Variants in BRD3 observed in about 807,000 individuals in gnomAD.
BRD3 encodes bromodomain-containing protein 3.
Under a neutral mutation model 66.8 loss-of-function variants are expected in BRD3, and 17 were observed. The observed-to-expected ratio is 0.25, with a 90% CI of 0.17 to 0.38. BRD3 has a LOEUF of 0.38. BRD3 is among the 10% of genes least tolerant of loss of function. The pLI is 1.00. For synonymous variants in BRD3, 421 were observed against 393.2 expected (o/e 1.07, Z -0.84); for missense variants, 713 against 956.1 (o/e 0.75, Z 3.35).
chr9:134,035,010 T>A (rs571041837), intron 10 of BRD3, among the ~76,000 whole-genome samples, 181 bp from the exon 11 acceptor site: 16 of 152,210 alleles, frequency 1.1e-4, no homozygotes, highest in African/African-American at 3.9e-4. Context: ...GTGGCAGAAA[T>A]GACTGGGATG....
intron 1 of BRD3, among the ~76,000 whole-genome samples, chr9:134,063,521 ATAG>A (rs1304643704): frequency 6.6e-6 from 1 of 152,196 alleles, no homozygotes; most frequent in East Asian, 1.9e-4. Context: ...TCAGCCGCTT[ATAG>A]TAGATTCTTC....
intron 5 of BRD3, among the ~76,000 whole-genome samples, chr9:134,049,094 C>T (rs1830237247): frequency 6.6e-6 from 1 of 152,082 alleles, no homozygotes; most frequent in Non-Finnish European, 1.5e-5. Flanking sequence ...CCACCGAAGG[C>T]CATTTCAAGC....
intron 6 of BRD3, among the ~76,000 whole-genome samples, chr9:134,047,161 C>G (rs1484457907): frequency 3.9e-5 from 6 of 152,252 alleles, no homozygotes; most frequent in Non-Finnish European, 8.8e-5. Context: ...GCCCGAGATC[C>G]AGTCAATCAA....
chr9:134,053,632 C>T (rs1440810487), intron 1 of BRD3, 42 bp from the exon 2 acceptor site: 1 of 1,427,202 alleles, frequency 7.0e-7, no homozygotes, highest in Non-Finnish European at 9.1e-7. Context: ...GCCAGTCACC[C>T]CGGGGACCCC....
chr9:134,064,008 C>T (rs931209834), intron 1 of BRD3, among the ~76,000 whole-genome samples: 4 of 152,230 alleles, frequency 2.6e-5, no homozygotes, highest in Non-Finnish European at 5.9e-5. Context: ...CTTCCCAACA[C>T]CAGGCTCCGA....
chr9:134,050,239 A>G, intron 5 of BRD3, 135 bp downstream of exon 5: 1 of 772,344 alleles, frequency 1.3e-6, no homozygotes. Flanking sequence ...CTGAGCTCCC[A>G]GGGCGCAGAG....
Position 134,052,420 on chromosome 9 carries a change from G to A in BRD3, c.237C>T (p.Asn79=), listed in dbSNP as rs770362248. ...NLPDYHKIIK[N]PMDMGTIKKR... is the part of the protein sequence containing the mutation. ...TCTTAATAGTCCCCATATCCATTGG[G>A]TTTTTAATTATTTTATGATAATCCT... is the stretch of plus-strand genomic sequence containing the variant. Residue 79 remains asparagine, a synonymous_variant, in exon 3 of 12, where the codon AAC becomes AAT. Coordinates refer to ENST00000303407, the MANE Select transcript of BRD3 (RefSeq NM_007371.4). 4 of 1,607,446 alleles carry A rather than the reference G, an allele frequency of 2.5e-6. No individual in the cohort carries two copies. Among genetic ancestry groups the A allele is most frequent in the Admixed American group, 1.7e-5 (1 of 59,314 alleles).
At chr9:134,051,883 T>G (rs796848703) in intron 3 of BRD3, among the ~76,000 whole-genome samples, 174 bp from the exon 4 acceptor site, 3,023 of 55,866 alleles carry the variant, frequency 0.054, 192 homozygotes, top group Non-Finnish European at 0.067. Context: ...GTGTGTTGTT[T>G]TTTTTGTTTT....
At chr9:134,060,123 G>A (rs542674140) in intron 1 of BRD3, among the ~76,000 whole-genome samples, 103 of 152,342 alleles carry the variant, frequency 6.8e-4, no homozygotes, top group Non-Finnish European at 1.0e-3. Flanking sequence ...TGCCTGCCGG[G>A]CCCAGCAGAG....
chr9:134,040,361 A>C, intron 8 of BRD3, 92 bp from the exon 9 acceptor site: 1 of 1,415,180 alleles, frequency 7.1e-7, no homozygotes, highest in Non-Finnish European at 9.5e-7. Context: ...GCTTGGGGCG[A>C]TGTCGGAGCT....
chr9:134,053,567 T>C lies in BRD3; in HGVS notation c.-90A>G. 1 of 1,449,536 alleles carries C rather than the reference T, an allele frequency of 6.9e-7. No individual in the cohort carries two copies. Among genetic ancestry groups the C allele is most frequent in the Non-Finnish European group, 9.1e-7 (1 of 1,104,162 alleles). The allele number at this position is 1,449,536 out of a possible 1,614,324, so 89.8% of individuals were successfully genotyped here. ...CTCCCTGAGAAAGCGCGACGTCCCA[T>C]TTCCGGGCCCAACCAGGCGACAGCT... On this transcript the variant is annotated 5_prime_UTR_variant, in exon 2 of 12. An upstream start codon of the reference 5' UTR is lost. Coordinates refer to ENST00000303407, the MANE Select transcript of BRD3 (RefSeq NM_007371.4).
intron 2 of BRD3, among the ~76,000 whole-genome samples, chr9:134,052,762 C>A (rs1422470077): frequency 6.6e-6 from 1 of 152,220 alleles, no homozygotes; most frequent in Non-Finnish European, 1.5e-5. Flanking sequence ...CAGGGCCCAG[C>A]AGAGCCCAGA....
intron 1 of BRD3, among the ~76,000 whole-genome samples, chr9:134,064,371 A>AG (rs1491225010): frequency 7.8e-6 from 1 of 128,968 alleles, no homozygotes; most frequent in African/African-American, 2.9e-5. Context: ...TTACTAAAAA[A>AG]TTAAAAAAAA....
chr9:134,062,862 G>A (rs1830573406), intron 1 of BRD3, among the ~76,000 whole-genome samples: 6 of 152,220 alleles, frequency 3.9e-5, no homozygotes, highest in Admixed American at 3.9e-4. Flanking sequence ...GGCAGTGAGT[G>A]AGGACAGCAC....
intron 4 of BRD3, among the ~76,000 whole-genome samples, chr9:134,051,139 G>C (rs1311651586): frequency 2.0e-5 from 3 of 152,210 alleles, no homozygotes; most frequent in East Asian, 3.8e-4. Context: ...TACTTGACCA[G>C]GGAACCAGGC....
At chr9:134,068,300 C>T (rs1222748415), upstream of BRD3, 7 of 149,068 alleles carry the variant, frequency 4.7e-5, no homozygotes, top group South Asian at 2.1e-4. Context: ...GGCCGTTCCC[C>T]GCCCGGGCCC....
intron 9 of BRD3, among the ~76,000 whole-genome samples, chr9:134,037,788 C>G (rs1432299264): frequency 6.6e-6 from 1 of 151,692 alleles, no homozygotes; most frequent in Non-Finnish European, 1.5e-5. Flanking sequence ...TCCAGATTCA[C>G]CAAGAAAAAA....
rs1480835121 is a variant in BRD3 at position 134,030,900 on chromosome 9, G to T, written c.*2690C>A. On this transcript the variant is annotated 3_prime_UTR_variant, in exon 12 of 12. Coordinates refer to ENST00000303407, the MANE Select transcript of BRD3 (RefSeq NM_007371.4). ...GACTTGTCACTACTCCTCTCCCCTT[G>T]AAAAAAGCATGTTAGAAGCTGCCCT... The T allele has an allele frequency of 8.6e-6, 2 of 231,626 alleles. No individual in the cohort carries two copies. Among genetic ancestry groups the T allele is most frequent in the African/African-American group, 2.2e-5 (1 of 45,228 alleles). The allele number at this position is 231,626 out of a possible 1,614,324, so 14.3% of individuals were successfully genotyped here. A position where few individuals can be genotyped will look rare whatever the true frequency, so the allele number is the denominator to read the frequency against.
intron 1 of BRD3, among the ~76,000 whole-genome samples, chr9:134,054,714 A>G (rs1362038997): frequency 6.6e-6 from 1 of 152,106 alleles, no homozygotes; most frequent in Non-Finnish European, 1.5e-5. Context: ...GACAGTCAAG[A>G]CTAGGGGAAG....
Sources: allele counts gnomAD v4.1 joint callset (sites outside exome capture counted in the v4.1 genomes callset), GRCh38; gene constraint gnomAD v4.1.1; transcripts MANE v1.5; gene names NCBI Gene and HGNC (gene_info 2026-07-23, HGNC 2026-07-21).